KIAA0825: variants seen among roughly 807,000 people sequenced by gnomAD.
The protein encoded by KIAA0825 is uncharacterized protein KIAA0825.
In KIAA0825, 119 loss-of-function variants were observed where a neutral mutation model predicts 147.6. That is an observed-to-expected ratio of 0.81 (90% CI 0.69 to 0.94). The LOEUF is 0.94. Among genes scored for constraint, KIAA0825 ranks in the 40% least tolerant of loss-of-function variants. The pLI is 0.00. For synonymous variants in KIAA0825, 470 were observed against 518.1 expected (o/e 0.91, Z 1.26); for missense variants, 1,381 against 1,472.7 (o/e 0.94, Z 1.02).
chr5:94,486,902 C>A (rs936647972), intron 5 of KIAA0825, among the ~76,000 whole-genome samples: 2 of 152,134 alleles, frequency 1.3e-5, no homozygotes, highest in Non-Finnish European at 2.9e-5. Flanking sequence ...CTTTAAGAAT[C>A]CCTCCTAATT....
At position 94,396,346 on chromosome 5, in the gene KIAA0825, G is replaced by A; in HGVS notation, c.3051C>T (p.Asn1017=). 1.3e-6 allele frequency: 2 copies of A among 1,550,820 alleles called. No individual in the cohort carries two copies. Among genetic ancestry groups the A allele is most frequent in the East Asian group, 2.4e-5 (1 of 40,914 alleles). Residue 1017 remains asparagine (N), a synonymous_variant, in exon 17 of 21, where the codon AAC becomes AAT. Transcript: ENST00000682413. ...ATATCCGACATATAATTACAATCAAGTTCCAGACAAGCAGGCCAGCTTTCT... is the reference window on the plus strand; with the variant it reads ...ATATCCGACATATAATTACAATCAAATTCCAGACAAGCAGGCCAGCTTTCT... ...ELKKAGLLVW[N]LIVIICRIFE... is the part of the protein sequence containing the mutation.
chr5:94,263,519 A>G (rs2150134534), intron 20 of KIAA0825, among the ~76,000 whole-genome samples: 1 of 152,220 alleles, frequency 6.6e-6, no homozygotes, highest in East Asian at 1.9e-4. Flanking sequence ...CATTTCTTCA[A>G]CAATCACCTG....
chr5:94,564,995 TCTCTCTCTCTCTCC>T (rs1345250609), intron 2 of KIAA0825, among the ~76,000 whole-genome samples: 5 of 130,174 alleles, frequency 3.8e-5, no homozygotes, highest in Admixed American at 7.7e-5. Flanking sequence ...TCTCTTCTCC[TCTCTCTCTCTCTCC>T]CTCTCTCTCT....
intron 20 of KIAA0825, among the ~76,000 whole-genome samples, chr5:94,166,793 A>T (rs1355955707): frequency 6.6e-6 from 1 of 151,956 alleles, no homozygotes; most frequent in Non-Finnish European, 1.5e-5. Context: ...TTCTTGACTC[A>T]TTGGAAAGGC....
intron 1 of KIAA0825, among the ~76,000 whole-genome samples, chr5:94,609,275 T>C (rs1167628208): frequency 6.6e-6 from 1 of 152,228 alleles, no homozygotes; most frequent in African/African-American, 2.4e-5. Context: ...TTCAGCTCTC[T>C]TTTATTAAGC....
intron 20 of KIAA0825, among the ~76,000 whole-genome samples, chr5:94,309,153 G>A (rs940104632): frequency 4.6e-5 from 7 of 151,770 alleles, no homozygotes; most frequent in African/African-American, 1.7e-4. Flanking sequence ...GGAAAACATG[G>A]TGCTAAGTAT....
Position 94,484,884 on chromosome 5 carries a change from T to C in KIAA0825, c.1017A>G (p.Leu339=), listed in dbSNP as rs1193945540. 1.3e-6 allele frequency: 2 copies of C among 1,534,266 alleles called. No homozygotes were observed. The highest frequency in any genetic ancestry group is 1.8e-6 in the Non-Finnish European group (2 of 1,135,048). ...PQKGRNFSLP[L]DKVEFLSQLI... ...GCTGCGATAAGAATTCGACTTTGTC[T>C]AAAGGGAGAGAGAAGTTTCTTCCTT... Residue 339 remains leucine (L), a synonymous_variant, in exon 6 of 21, where the codon TTA becomes TTG. Coordinates refer to ENST00000682413, the MANE Select transcript of KIAA0825 (RefSeq NM_001145678.3).
At chr5:94,395,554 G>A (rs890342306) in intron 17 of KIAA0825, among the ~76,000 whole-genome samples, 34 of 152,104 alleles carry the variant, frequency 2.2e-4, no homozygotes, top group Non-Finnish European at 7.4e-5. Context: ...ACAAACCCAT[G>A]AGAAGGCTGA....
chr5:94,281,877 C>G (rs140703894), intron 20 of KIAA0825, among the ~76,000 whole-genome samples: 1 of 152,048 alleles, frequency 6.6e-6, no homozygotes. Context: ...CTATTTTTCT[C>G]TCTTCAAAAC....
At chr5:94,469,820 G>T in intron 10 of KIAA0825, 141 bp downstream of exon 10, 1 of 625,688 alleles carries the variant, frequency 1.6e-6, no homozygotes. Context: ...TCCTAAGTAT[G>T]AATTCAATAT....
intron 20 of KIAA0825, among the ~76,000 whole-genome samples, chr5:94,381,646 G>A (rs1249702187): frequency 6.6e-6 from 1 of 152,302 alleles, no homozygotes; most frequent in East Asian, 1.9e-4. Context: ...ACTGTATTGT[G>A]TTATCAGCTT....
At chr5:94,611,817 A>C (rs1178356912) in intron 1 of KIAA0825, 3 of 152,060 alleles carry the variant, frequency 2.0e-5, no homozygotes, top group African/African-American at 7.3e-5. Flanking sequence ...ATAGTGGTGC[A>C]TACCTGTAGC....
intron 20 of KIAA0825, among the ~76,000 whole-genome samples, chr5:94,362,089 T>C (rs1006678954): frequency 6.6e-6 from 1 of 152,198 alleles, no homozygotes; most frequent in Non-Finnish European, 1.5e-5. Context: ...TGAAGGTACA[T>C]CCTATCCAAG....
intron 20 of KIAA0825, among the ~76,000 whole-genome samples, chr5:94,356,931 G>T (rs1270622592): frequency 6.6e-6 from 1 of 151,754 alleles, no homozygotes. Flanking sequence ...CACCACGTTG[G>T]CCAGTATGGT....
intron 20 of KIAA0825, among the ~76,000 whole-genome samples, chr5:94,220,878 T>C (rs1773614578): frequency 6.6e-6 from 1 of 152,196 alleles, no homozygotes; most frequent in African/African-American, 2.4e-5. Context: ...ATTATGGGAC[T>C]GAAAACTATT....
chr5:94,366,007 CCACCCAGGAACTGTCTTAG>C (rs1745802266), intron 20 of KIAA0825, among the ~76,000 whole-genome samples: 1 of 152,072 alleles, frequency 6.6e-6, no homozygotes, highest in African/African-American at 2.4e-5. Flanking sequence ...CTTGTAGCCC[CCACCCAGGAACTGTCTTAG>C]CACAAAAGGA....
At chr5:94,534,845 T>C (rs1180615166) in intron 3 of KIAA0825, among the ~76,000 whole-genome samples, 1 of 152,132 alleles carries the variant, frequency 6.6e-6, no homozygotes, top group Admixed American at 6.5e-5. Context: ...TTTTTAAAAA[T>C]ATTTCAATTT....
At chr5:94,462,285 T>G in intron 12 of KIAA0825, 102 bp downstream of exon 12, 1 of 672,090 alleles carries the variant, frequency 1.5e-6, no homozygotes, top group Non-Finnish European at 2.3e-6. Context: ...CTTCAGAAGA[T>G]TTCTACTTGT....
intron 20 of KIAA0825, among the ~76,000 whole-genome samples, chr5:94,309,637 G>A (rs1293404566): frequency 1.3e-5 from 2 of 151,830 alleles, no homozygotes; most frequent in South Asian, 2.1e-4. Context: ...CATTAAAAAG[G>A]GGGGTTTCAG....
Sources: allele counts gnomAD v4.1 joint callset (sites outside exome capture counted in the v4.1 genomes callset), GRCh38; gene constraint gnomAD v4.1.1; transcripts MANE v1.5; gene names NCBI Gene and HGNC (gene_info 2026-07-23, HGNC 2026-07-21).